Variants in MICAL2 observed in about 807,000 individuals in gnomAD.
MICAL2 encodes the protein microtubule associated monooxygenase, calponin and LIM domain containing 2, also known as [F-actin]-monooxygenase MICAL2.
Under a neutral mutation model 127.3 loss-of-function variants are expected in MICAL2, and 77 were observed. That is an observed-to-expected ratio of 0.60 (90% CI 0.50 to 0.73). MICAL2 has a LOEUF of 0.73. MICAL2 is among the 30% of genes least tolerant of loss of function. MICAL2 has a pLI of 0.00. For missense variants in MICAL2, 1,351 were observed against 1,434.4 expected, an observed-to-expected ratio of 0.94 and a Z score of 0.94; for synonymous variants, 570 against 551.1, an observed-to-expected ratio of 1.03 and a Z score of -0.48.
At chr11:12,224,528 C>G in intron 12 of MICAL2, 145 bp from the exon 13 acceptor site, 1 of 1,011,940 alleles carries the variant, frequency 9.9e-7, no homozygotes, top group Admixed American at 2.5e-5. Flanking sequence ...GGAGCTGCAC[C>G]CGTGCCAGTG....
chr11:12,243,078 T>C (rs923072301), intron 20 of MICAL2: 14 of 240,110 alleles, frequency 5.8e-5, no homozygotes, highest in Admixed American at 6.0e-5. Flanking sequence ...AAGCAGGCTC[T>C]GAGCTTCCTA....
intron 1 of MICAL2, among the ~76,000 whole-genome samples, chr11:12,120,259 G>T (rs1287262817): frequency 6.6e-6 from 1 of 152,252 alleles, no homozygotes; most frequent in Non-Finnish European, 1.5e-5. Context: ...TGACAGAGAT[G>T]AGTTTATCTT....
In MICAL2 at chr11:12,203,956, C is replaced by T. The variant is rs1590334139; in HGVS notation, c.265-294C>T. On this transcript the variant is annotated intron_variant, in intron 3 of 27. Coordinates refer to ENST00000683283, the MANE Select transcript of MICAL2 (RefSeq NM_001282663.2). ...AAGTGGTCAAATGCTGGAGCTGGGACTTCAACCCAGTTCACTTTGACTCTG... is the reference window on the plus strand; with the variant it reads ...AAGTGGTCAAATGCTGGAGCTGGGATTTCAACCCAGTTCACTTTGACTCTG... Among the ~76,000 whole-genome samples, 13 of 152,190 alleles carry T rather than the reference C, an allele frequency of 8.5e-5. No homozygotes were observed. The South Asian group carries it at 2.7e-3, about 32-fold the overall frequency.
intron 2 of MICAL2, among the ~76,000 whole-genome samples, chr11:12,153,942 G>A (rs541417783): frequency 3.3e-5 from 5 of 152,228 alleles, no homozygotes; most frequent in African/African-American, 9.6e-5. Context: ...TAAGATGTAC[G>A]TTACTTTGTC....
At chr11:12,142,728 TCTG>T (rs1852469674) in intron 2 of MICAL2, among the ~76,000 whole-genome samples, 2 of 152,232 alleles carry the variant, frequency 1.3e-5, no homozygotes, top group Non-Finnish European at 2.9e-5. Context: ...ATAGCAGCTC[TCTG>T]AGAGATAGGC....
intron 1 of MICAL2, among the ~76,000 whole-genome samples, chr11:12,114,070 C>G (rs1431309431): frequency 6.6e-6 from 1 of 152,224 alleles, no homozygotes; most frequent in African/African-American, 2.4e-5. Context: ...AAAAATATTA[C>G]AAACATTTTC....
At chr11:12,180,186 C>T (rs1857268853) in intron 3 of MICAL2, among the ~76,000 whole-genome samples, 1 of 152,104 alleles carries the variant, frequency 6.6e-6, no homozygotes, top group African/African-American at 2.4e-5. Context: ...CTTTTTCAGA[C>T]ATCAGATGTG....
intron 4 of MICAL2, 180 bp from the exon 5 acceptor site, chr11:12,207,843 A>G: frequency 1.7e-6 from 1 of 584,756 alleles, no homozygotes; most frequent in Admixed American, 2.7e-5. Context: ...CCAAAGGGCC[A>G]CTGTAAGAGT....
At chr11:12,322,096 A>T (rs1864306054) in intron 30 of MICAL2, among the ~76,000 whole-genome samples, 1 of 152,104 alleles carries the variant, frequency 6.6e-6, no homozygotes, top group African/African-American at 2.4e-5. Context: ...CTTACCTATA[A>T]TGTAAGTGCA....
chr11:12,184,434 G>A (rs866541961), intron 3 of MICAL2, among the ~76,000 whole-genome samples: 10 of 152,306 alleles, frequency 6.6e-5, no homozygotes, highest in South Asian at 2.1e-4. Context: ...CACAGAGGCC[G>A]AAAATGTGGT....
chr11:12,145,948 T>C (rs1318811563), intron 2 of MICAL2, among the ~76,000 whole-genome samples: 2 of 152,230 alleles, frequency 1.3e-5, no homozygotes, highest in Admixed American at 6.5e-5. Context: ...TGTAATTGTA[T>C]ATCAGGAAAT....
At chr11:12,326,079 C>A (rs888418419) in intron 31 of MICAL2, among the ~76,000 whole-genome samples, 5 of 152,226 alleles carry the variant, frequency 3.3e-5, no homozygotes, top group Admixed American at 6.5e-5. Context: ...GTGCAGGCCC[C>A]ACCCCTCCCT....
At chr11:12,177,889 C>T (rs1857005743) in intron 3 of MICAL2, among the ~76,000 whole-genome samples, 1 of 152,180 alleles carries the variant, frequency 6.6e-6, no homozygotes, top group Non-Finnish European at 1.5e-5. Context: ...CTGTACCTCT[C>T]TCTTGAGCCC....
upstream of MICAL2, among the ~76,000 whole-genome samples, chr11:12,272,322 A>G (rs890498241): frequency 6.6e-6 from 1 of 152,166 alleles, no homozygotes; most frequent in Non-Finnish European, 1.5e-5. Flanking sequence ...CTGCTATTGC[A>G]TGGAAGTCAG....
At chr11:12,192,716 T>C (rs1859362900) in intron 3 of MICAL2, among the ~76,000 whole-genome samples, 1 of 152,068 alleles carries the variant, frequency 6.6e-6, no homozygotes, top group Non-Finnish European at 1.5e-5. Context: ...AGGCGGAGGT[T>C]CCAGTGAGCT....
chr11:12,138,178 T>C (rs1446994181), intron 1 of MICAL2, among the ~76,000 whole-genome samples: 1 of 152,116 alleles, frequency 6.6e-6, no homozygotes, highest in Non-Finnish European at 1.5e-5. Flanking sequence ...CAGCCAACAA[T>C]AGAATTTGTT....
At chr11:12,273,378 C>T (rs754905040), upstream of MICAL2, among the ~76,000 whole-genome samples, 1 of 152,186 alleles carries the variant, frequency 6.6e-6, no homozygotes, top group Non-Finnish European at 1.5e-5. Context: ...CCACCACCAT[C>T]GCCATGTCAT....
chr11:12,179,142 C>T (rs1260108578), intron 3 of MICAL2, among the ~76,000 whole-genome samples: 1 of 152,168 alleles, frequency 6.6e-6, no homozygotes, highest in African/African-American at 2.4e-5. Flanking sequence ...GTTCCAGCTC[C>T]AGCCTGGCCC....
At chr11:12,264,562 G>A (rs546504684), downstream of MICAL2, among the ~76,000 whole-genome samples, 7 of 152,296 alleles carry the variant, frequency 4.6e-5, no homozygotes, top group African/African-American at 1.7e-4. Flanking sequence ...GCGTAGCTGG[G>A]CGTAGCTGGG....
Sources: gnomAD v4.1 joint callset for allele counts (sites outside exome capture counted in the v4.1 genomes callset) on GRCh38, gnomAD v4.1.1 for gene constraint, MANE v1.5 for transcripts, NCBI Gene and HGNC (gene_info 2026-07-23, HGNC 2026-07-21) for gene names.